The following SPTLC1 variants were observed in gnomAD, a reference collection of about 807,000 sequenced individuals.
SPTLC1 encodes the protein serine palmitoyltransferase 1.
SPTLC1 carries 55 observed loss-of-function variants against 68.9 expected under a neutral mutation model. That is an observed-to-expected ratio of 0.80 (90% CI 0.64 to 1.00). The LOEUF is 1.00. Ranked by LOEUF, SPTLC1 falls within the 50% of genes least tolerant of loss-of-function variation. The pLI is 0.00. For missense variants in SPTLC1, 449 were observed against 573.1 expected, an observed-to-expected ratio of 0.78 and a Z score of 2.21; for synonymous variants, 197 against 201.6, an observed-to-expected ratio of 0.98 and a Z score of 0.19.
Position 92,046,021 on chromosome 9 carries a change from G to C in SPTLC1, c.1114C>G (p.Gln372Glu), listed in dbSNP as rs1833501851. ...CACCCTTGTAAAGCTTTATGAATTT[G>C]TCCGCACTTTTCCTTCAACACTGCA... ...IFAVLKEKCG[Q>E]IHKALQGISG... is the part of the protein sequence containing the mutation. The change falls in exon 12 of 15, where the codon CAA becomes GAA. Residue 372 changes from glutamine (Q) to glutamate (E), a missense_variant. By Grantham distance (29) the Gln-to-Glu change is conservative. Around this residue, in one of 3 missense-constraint regions of SPTLC1, gnomAD observed 391 missense variants for 472.1 expected, o/e 0.83. Transcript: ENST00000262554. The C allele has an allele frequency of 6.2e-7, 1 of 1,613,480 alleles. No homozygotes were observed. The highest frequency in any genetic ancestry group is 8.5e-7 in the Non-Finnish European group (1 of 1,179,732).
chr9:92,064,264 T>C (rs530599320), intron 6 of SPTLC1, among the ~76,000 whole-genome samples: 21 of 152,280 alleles, frequency 1.4e-4, no homozygotes, highest in Admixed American at 1.1e-3. Context: ...AGAACTATGA[T>C]CTAGAATGTA....
chr9:92,033,811 G>T (rs779532774), intron 14 of SPTLC1, among the ~76,000 whole-genome samples: 8 of 152,190 alleles, frequency 5.3e-5, no homozygotes, highest in Non-Finnish European at 8.8e-5. Context: ...TCTCCCAGGT[G>T]TTGAGGTTAC....
intron 3 of SPTLC1, chr9:92,105,117 C>T (rs539550646): frequency 5.9e-6 from 9 of 1,533,642 alleles, no homozygotes; most frequent in African/African-American, 4.1e-5. Context: ...GATCCTGCAG[C>T]TCTTGGATCA....
Position 92,074,856 on chromosome 9 carries a change from T to C in SPTLC1, c.427+5160A>G, listed in dbSNP as rs529872521. On this transcript the variant is annotated intron_variant, in intron 5 of 14. Transcript: ENST00000262554. ...CCTTCCACAACTCATTATTCTGTTA[T>C]TGACCTCAAAGATGCCTTCTTTACC... is the stretch of plus-strand genomic sequence containing the variant. 3.9e-5 allele frequency among the ~76,000 whole-genome samples: 6 copies of C among 152,256 alleles called. No homozygotes were observed. In the South Asian group the frequency reaches 1.0e-3, roughly 26 times the overall value.
At chr9:92,108,411 C>A (rs1355745458) in intron 3 of SPTLC1, 8 of 328,598 alleles carry the variant, frequency 2.4e-5, no homozygotes, top group South Asian at 5.4e-5. Context: ...GGGTAACGTG[C>A]GACAAATTTA....
intron 3 of SPTLC1, chr9:92,107,819 A>G (rs1353553864): frequency 3.3e-5 from 5 of 152,274 alleles, no homozygotes; most frequent in African/African-American, 1.2e-4. Flanking sequence ...AGAGATCTAC[A>G]GAAGTAAAGA....
intron 4 of SPTLC1, among the ~76,000 whole-genome samples, chr9:92,080,503 T>C (rs764249246): frequency 5.3e-4 from 80 of 152,202 alleles, no homozygotes; most frequent in Non-Finnish European, 7.6e-4. Flanking sequence ...CAAAAAGTAA[T>C]GGGAAAAACT....
chr9:92,081,037 G>T, intron 3 of SPTLC1, 74 bp from the exon 4 acceptor site: 1 of 1,147,708 alleles, frequency 8.7e-7, no homozygotes, highest in Non-Finnish European at 1.3e-6. Context: ...TTGGTGGTAG[G>T]CACAACAACA....
chr9:92,066,787 T>C (rs905354892), intron 6 of SPTLC1, among the ~76,000 whole-genome samples: 2 of 151,864 alleles, frequency 1.3e-5, no homozygotes, highest in Non-Finnish European at 2.9e-5. Context: ...AAGACCAGCC[T>C]GGCCAACATG....
intron 12 of SPTLC1, among the ~76,000 whole-genome samples, chr9:92,044,009 T>A (rs148250592): frequency 2.5e-4 from 38 of 152,306 alleles, no homozygotes; most frequent in African/African-American, 8.7e-4. Context: ...TGTAACCATC[T>A]AGATACCAGC....
At chr9:92,106,482 A>G (rs1015442587) in intron 3 of SPTLC1, among the ~76,000 whole-genome samples, 7 of 150,538 alleles carry the variant, frequency 4.6e-5, no homozygotes, top group Admixed American at 4.6e-4. Flanking sequence ...CAAAAAAAAA[A>G]AAAAAAAAAA....
chr9:92,066,056 C>T (rs79966963), intron 6 of SPTLC1, among the ~76,000 whole-genome samples: 5,150 of 152,284 alleles, frequency 0.034, 220 homozygotes, highest in Middle Eastern at 0.12. Flanking sequence ...CATTCATTTA[C>T]TGAACTACTG....
Position 92,034,846 on chromosome 9 carries a change from T to C in SPTLC1, c.1292A>G (p.Tyr431Cys). 1 of 1,614,154 alleles carries C rather than the reference T, an allele frequency of 6.2e-7. No individual in the cohort carries two copies. The highest frequency in any genetic ancestry group is 1.1e-5 in the South Asian group (1 of 91,072). The change falls in exon 14 of 15, where the codon TAC (tyrosine) becomes TGC (cysteine). Residue 431 changes from tyrosine to cysteine, a missense_variant. Transcript: ENST00000262554. The part of the protein sequence containing the change: ...NRSIALTQAR[Y>C]LEKEEKCLPP... ...GAGACACTTCTCTTCTTTCTCCAAG[T>C]AGCGCGCCTGAGTTAATGCAATACT...
chr9:92,114,510 C>T (rs1365483857), intron 1 of SPTLC1, among the ~76,000 whole-genome samples: 3 of 152,016 alleles, frequency 2.0e-5, no homozygotes, highest in Non-Finnish European at 2.9e-5. Flanking sequence ...CCAAGGCGGG[C>T]GGATCACCTG....
Position 92,105,644 on chromosome 9 carries a change from C to G in SPTLC1, c.260+3096G>C, listed in dbSNP as rs1455711829. 2.0e-5 allele frequency among the ~76,000 whole-genome samples: 3 copies of G among 151,072 alleles called. No individual in the cohort carries two copies. In the South Asian group the frequency reaches 6.3e-4, roughly 32 times the overall value. On this transcript the variant is annotated intron_variant, in intron 3 of 14. Coordinates refer to ENST00000262554, the MANE Select transcript of SPTLC1 (RefSeq NM_006415.4). The stretch of plus-strand genomic sequence containing the variant: ...GTGAGGAGCGCCTCTGCCTGGCCAC[C>G]GCACCGTCTGGGCAGTGAGGAGCGC...
intron 6 of SPTLC1, among the ~76,000 whole-genome samples, chr9:92,062,738 A>C (rs961110144): frequency 1.1e-4 from 16 of 152,182 alleles, no homozygotes; most frequent in Non-Finnish European, 1.6e-4. Context: ...CAGGAGGCTG[A>C]AGCAAAAGAA....
At chr9:92,084,763 G>T (rs1292009891) in intron 3 of SPTLC1, among the ~76,000 whole-genome samples, 2 of 151,466 alleles carry the variant, frequency 1.3e-5, no homozygotes, top group East Asian at 3.9e-4. Context: ...CATAAAATGA[G>T]TTAGGGAGGA....
intron 3 of SPTLC1, among the ~76,000 whole-genome samples, chr9:92,105,723 C>T (rs539152847): frequency 2.0e-4 from 30 of 151,750 alleles, no homozygotes; most frequent in African/African-American, 7.2e-4. Context: ...TGCCTGGCCG[C>T]CTCACAGCCC....
At chr9:92,079,854 T>G in intron 5 of SPTLC1, 162 bp downstream of exon 5, 1 of 723,824 alleles carries the variant, frequency 1.4e-6, no homozygotes, top group Non-Finnish European at 2.5e-6. Context: ...AGGGTCTCCC[T>G]ATATTGCCCA....
Sources: gnomAD v4.1 joint callset for allele counts (sites outside exome capture counted in the v4.1 genomes callset) on GRCh38, gnomAD v4.1.1 for gene constraint, gnomAD v4.1.1 regional missense constraint, MANE v1.5 for transcripts, NCBI Gene and HGNC (gene_info 2026-07-23, HGNC 2026-07-21) for gene names.